The following SLC5A5 variants were observed in gnomAD, a reference collection of about 807,000 sequenced individuals.
SLC5A5 encodes the protein sodium/iodide cotransporter.
Under a neutral mutation model 68.6 loss-of-function variants are expected in SLC5A5, and 56 were observed. The ratio of observed to expected loss-of-function variants is 0.82; its 90% CI spans 0.66 to 1.02. SLC5A5 has a LOEUF of 1.02. SLC5A5 is among the 50% of genes least tolerant of loss of function. The probability of loss-of-function intolerance (pLI) is 0.00; values close to 1 mark genes in which losing one functional copy is unlikely to be tolerated. For missense variants in SLC5A5, 807 were observed against 859.8 expected (o/e 0.94, Z 0.77); for synonymous variants, 398 against 373.0 (o/e 1.07, Z -0.77).
intron 10 of SLC5A5, 135 bp from the exon 11 acceptor site, chr19:17,883,546 A>T: frequency 1.3e-6 from 1 of 787,134 alleles, no homozygotes; most frequent in Non-Finnish European, 2.3e-6. Context: ...TCTCCCCTTT[A>T]GGGAAACTGA....
Position 17,872,628 on chromosome 19 carries a change from G to A in SLC5A5, c.309G>A (p.Leu103=). Residue 103 remains leucine (L), a synonymous_variant, in exon 1 of 15, where the codon CTG becomes CTA. Transcript: ENST00000222248. The part of the protein sequence containing the change: ...GQLLNSVLTA[L]LFMPVFYRLG... ...TTCTGAACTCGGTCCTCACCGCCCT[G>A]CTCTTCATGCCCGTCTTCTACCGCC... The A allele has an allele frequency of 6.2e-7, 1 of 1,611,236 alleles. No homozygotes were observed. Among genetic ancestry groups the A allele is most frequent in the South Asian group, 1.1e-5 (1 of 91,070 alleles).
chr19:17,874,732 G>A lies in SLC5A5; in HGVS notation c.543+1G>A, dbSNP rs1378279553. 6.2e-7 allele frequency: 1 copy of A among 1,613,980 alleles called. No individual in the cohort carries two copies. The highest frequency in any genetic ancestry group is 1.7e-5 in the Admixed American group (1 of 59,992). On this transcript the variant is annotated splice_donor_variant, in intron 4 of 14. Transcript: ENST00000222248. LOFTEE classifies it high-confidence loss of function. ...TATCTGCACCTTCTACACGGCTGTG[G>A]TGAGTGGCCCTGGGAACTCACTCCA...
At position 17,874,372 on chromosome 19, in the gene SLC5A5, A is replaced by G. The variant is rs557915514; in HGVS notation, c.424-122A>G. On this transcript the variant is annotated intron_variant, in intron 2 of 14. Transcript: ENST00000222248. ...CCACAGCCGGCCTGACCCCGCCTGC[A>G]CTCTGGAAGACCCGGCCTATCTGCC... The G allele has an allele frequency of 2.8e-4, 263 of 943,542 alleles. No individual in the cohort carries two copies. The African/African-American group carries it at 4.3e-3, about 15-fold the overall frequency. The allele number at this position is 943,542 out of a possible 1,614,324, so 58.4% of individuals were successfully genotyped here.
At chr19:17,888,639 A>G (rs2030026978) in intron 13 of SLC5A5, among the ~76,000 whole-genome samples, 184 bp downstream of exon 13, 1 of 146,760 alleles carries the variant, frequency 6.8e-6, no homozygotes, top group Non-Finnish European at 1.5e-5. Flanking sequence ...CATCATCATC[A>G]TCATCATTTT....
At chr19:17,876,554 C>T (rs2094307832) in intron 5 of SLC5A5, among the ~76,000 whole-genome samples, 1 of 151,944 alleles carries the variant, frequency 6.6e-6, no homozygotes, top group African/African-American at 2.4e-5. Flanking sequence ...ATCGAGAAAC[C>T]CCATCTCTAC....
At chr19:17,888,157 G>A (rs2029996058) in intron 12 of SLC5A5, among the ~76,000 whole-genome samples, 174 bp from the exon 13 acceptor site, 1 of 152,044 alleles carries the variant, frequency 6.6e-6, no homozygotes, top group South Asian at 2.1e-4. Context: ...GTGGGGATGG[G>A]ATACCTGGAG....
chr19:17,879,319 C>A (rs1162897773), intron 7 of SLC5A5, among the ~76,000 whole-genome samples: 1 of 151,818 alleles, frequency 6.6e-6, no homozygotes. Flanking sequence ...CAAAACAAAA[C>A]AAACCCACAA....
At position 17,894,093 on chromosome 19, in the gene SLC5A5, G is replaced by A. The variant is rs1157516751; in HGVS notation, c.*216G>A. 6 of 571,808 alleles carry A rather than the reference G, an allele frequency of 1.0e-5. No individual in the cohort carries two copies. The highest frequency in any genetic ancestry group is 9.3e-5 in the Admixed American group (3 of 32,234). 35.4% of individuals were successfully genotyped at this position (571,808 alleles called of 1,614,324 possible). On this transcript the variant is annotated 3_prime_UTR_variant, in exon 15 of 15. Coordinates refer to ENST00000222248, the MANE Select transcript of SLC5A5 (RefSeq NM_000453.3). ...GCTTCAACCGTCCCCAGTATTAGAC[G>A]CTGCAGCCCTGACGGCTCCCCCCAA...
rs1207996834 is a variant in SLC5A5 at position 17,893,958 on chromosome 19, G to C, written c.*81G>C. 1.5e-6 allele frequency: 2 copies of C among 1,365,556 alleles called. No homozygotes were observed. The highest frequency in any genetic ancestry group is 1.4e-5 in the African/African-American group (1 of 69,298). 84.6% of individuals were successfully genotyped at this position (1,365,556 alleles called of 1,614,324 possible). A position where few individuals can be genotyped will look rare whatever the true frequency, so the allele number is the denominator to read the frequency against. On this transcript the variant is annotated 3_prime_UTR_variant, in exon 15 of 15. Coordinates refer to ENST00000222248, the MANE Select transcript of SLC5A5 (RefSeq NM_000453.3). ...ACCCAGACAACGGGCCCATGGCCTTGGGCTCTGATTGGCTGGATTGCCTTG... is the reference window on the plus strand; with the variant it reads ...ACCCAGACAACGGGCCCATGGCCTTCGGCTCTGATTGGCTGGATTGCCTTG...
chr19:17,872,175 G>T lies in SLC5A5; in HGVS notation c.-145G>T, dbSNP rs1759564799. On this transcript the variant is annotated 5_prime_UTR_variant, in exon 1 of 15. Transcript: ENST00000222248. The stretch of plus-strand genomic sequence containing the variant: ...CCAGGGAGCCCCGGCCCCTCTCGCC[G>T]CTTCCCACCCCAGACGGAGCGGGGA... The T allele has an allele frequency of 1.6e-6, 1 of 638,026 alleles. No individual in the cohort carries two copies. The allele number at this position is 638,026 out of a possible 1,614,324, so 39.5% of individuals were successfully genotyped here.
At chr19:17,882,785 G>C (rs529777378) in intron 10 of SLC5A5, among the ~76,000 whole-genome samples, 4 of 152,204 alleles carry the variant, frequency 2.6e-5, no homozygotes, top group African/African-American at 9.6e-5. Context: ...CTGGGTTCAC[G>C]CCATTCTCCT....
chr19:17,887,457 G>A (rs1310941932), intron 12 of SLC5A5, among the ~76,000 whole-genome samples: 1 of 151,842 alleles, frequency 6.6e-6, no homozygotes, highest in Non-Finnish European at 1.5e-5. Flanking sequence ...ACTATGCCAG[G>A]CTAATTTTTA....
intron 12 of SLC5A5, among the ~76,000 whole-genome samples, chr19:17,885,528 A>T (rs1650909844): frequency 6.6e-6 from 1 of 150,896 alleles, no homozygotes; most frequent in Admixed American, 6.6e-5. Context: ...ATAGGCATGT[A>T]TCACCATGCT....
intron 8 of SLC5A5, 55 bp from the exon 9 acceptor site, chr19:17,881,905 G>C: frequency 7.3e-7 from 1 of 1,367,568 alleles, no homozygotes; most frequent in Non-Finnish European, 1.0e-6. Context: ...AGGCCAGATG[G>C]TGTGGACGGT....
intron 14 of SLC5A5, among the ~76,000 whole-genome samples, chr19:17,892,691 A>AGAGAGAGC (rs1555755265): frequency 5.3e-4 from 80 of 150,102 alleles, no homozygotes; most frequent in African/African-American, 1.9e-3. Context: ...AGAGAGAGAG[A>AGAGAGAGC]GAGAGAGCAA....
At chr19:17,878,234 G>A (rs1165032777) in intron 7 of SLC5A5, 141 bp downstream of exon 7, 20 of 1,011,352 alleles carry the variant, frequency 2.0e-5, no homozygotes, top group Middle Eastern at 6.0e-4. Context: ...GGCCAGGTGC[G>A]GCGGCTCATG....
Position 17,874,738 on chromosome 19 carries a change from G to A in SLC5A5, c.543+7G>A. On this transcript the variant is annotated splice_region_variant and intron_variant, in intron 4 of 14. Coordinates refer to ENST00000222248, the MANE Select transcript of SLC5A5 (RefSeq NM_000453.3). ...CACCTTCTACACGGCTGTGGTGAGT[G>A]GCCCTGGGAACTCACTCCATACGGG... The A allele has an allele frequency of 6.2e-7, 1 of 1,613,370 alleles. No homozygotes were observed. The highest frequency in any genetic ancestry group is 8.5e-7 in the Non-Finnish European group (1 of 1,179,328).
chr19:17,874,315 TC>T, intron 2 of SLC5A5, 112 bp downstream of exon 2: 1 of 527,172 alleles, frequency 1.9e-6, no homozygotes, highest in Non-Finnish European at 3.2e-6. Flanking sequence ...ATGCTCCCGT[TC>T]TGACCCCGCC....
chr19:17,877,772 G>T lies in SLC5A5; in HGVS notation c.748G>T (p.Gly250Cys). Reference sequence around the variant, plus strand: ...CTATACATTCTGGACTTTTGTGGTGGGTGGCACGTTGGTGTGGCTCTCCAT... The same window carrying T: ...CTATACATTCTGGACTTTTGTGGTGTGTGGCACGTTGGTGTGGCTCTCCAT... Reference protein sequence around the residue: ...SRYTFWTFVVGGTLVWLSMYG... With the variant: ...SRYTFWTFVVCGTLVWLSMYG... Residue 250 changes from glycine (G) to cysteine (C), a missense_variant, in exon 6 of 15, where the codon GGT (glycine) becomes TGT (cysteine). By Grantham distance (159) the Gly-to-Cys change is radical. Coordinates refer to ENST00000222248, the MANE Select transcript of SLC5A5 (RefSeq NM_000453.3). The T allele has an allele frequency of 6.2e-7, 1 of 1,614,206 alleles. No individual in the cohort carries two copies. Among genetic ancestry groups the T allele is most frequent in the Non-Finnish European group, 8.5e-7 (1 of 1,180,034 alleles).
Sources: gnomAD v4.1 joint callset for allele counts (sites outside exome capture counted in the v4.1 genomes callset) on GRCh38, gnomAD v4.1.1 for gene constraint, MANE v1.5 for transcripts, NCBI Gene and HGNC (gene_info 2026-07-23, HGNC 2026-07-21) for gene names.